The following CDH9 variants were observed in gnomAD, a reference collection of about 807,000 sequenced individuals.
The protein encoded by CDH9 is cadherin 9.
A neutral mutation model predicts 70.9 loss-of-function variants in CDH9; 28 were observed. That is an observed-to-expected ratio of 0.40 (90% CI 0.29 to 0.54). The LOEUF (loss-of-function observed/expected upper bound fraction) is 0.54. CDH9 is among the 20% of genes least tolerant of loss of function. The probability of loss-of-function intolerance (pLI) is 0.59; values close to 1 mark genes in which losing one functional copy is unlikely to be tolerated. For missense variants in CDH9, 874 were observed against 984.4 expected, an observed-to-expected ratio of 0.89 and a Z score of 1.50; for synonymous variants, 409 against 343.1, an observed-to-expected ratio of 1.19 and a Z score of -2.12.
chr5:26,935,835 C>T (rs551625262), intron 2 of CDH9, among the ~76,000 whole-genome samples: 3 of 152,226 alleles, frequency 2.0e-5, no homozygotes, highest in African/African-American at 7.2e-5. Flanking sequence ...TTTGCAATTG[C>T]AAAACTATGG....
At chr5:26,884,973 C>T (rs1740536530) in intron 11 of CDH9, among the ~76,000 whole-genome samples, 1 of 152,052 alleles carries the variant, frequency 6.6e-6, no homozygotes, top group Admixed American at 6.6e-5. Flanking sequence ...TTTTTTAAAA[C>T]AGAATTTTAA....
At chr5:26,897,208 CA>C (rs1740767823) in intron 7 of CDH9, among the ~76,000 whole-genome samples, 1 of 151,956 alleles carries the variant, frequency 6.6e-6, no homozygotes, top group African/African-American at 2.4e-5. Context: ...AGCCCAAGAA[CA>C]GACGGATTCA....
At chr5:26,972,111 A>G (rs963468251) in intron 2 of CDH9, among the ~76,000 whole-genome samples, 2 of 152,210 alleles carry the variant, frequency 1.3e-5, no homozygotes, top group African/African-American at 2.4e-5. Context: ...ATCTTTGAGG[A>G]GGATAACATT....
intron 6 of CDH9, 38 bp from the exon 7 acceptor site, chr5:26,902,767 A>G (rs762514424): frequency 8.0e-6 from 10 of 1,249,706 alleles, no homozygotes; most frequent in Non-Finnish European, 1.2e-5. Context: ...AGCATAATTC[A>G]GAAGATATGA....
intron 2 of CDH9, among the ~76,000 whole-genome samples, chr5:26,955,572 A>ATCTCTC (rs10541203): frequency 1.0e-3 from 145 of 144,334 alleles, no homozygotes; most frequent in Non-Finnish European, 2.0e-3. Flanking sequence ...TTGTGGCAGT[A>ATCTCTC]TCTCTCTCTC....
intron 2 of CDH9, among the ~76,000 whole-genome samples, chr5:26,932,887 A>G (rs1423084004): frequency 6.6e-6 from 1 of 151,218 alleles, no homozygotes; most frequent in Non-Finnish European, 1.5e-5. Flanking sequence ...AGCTTTGTCT[A>G]TGATTCCATT....
intron 2 of CDH9, among the ~76,000 whole-genome samples, chr5:26,957,973 A>G (rs1741974014): frequency 6.6e-6 from 1 of 152,190 alleles, no homozygotes; most frequent in Non-Finnish European, 1.5e-5. Flanking sequence ...ATTTATTGGA[A>G]TATAAAAAAA....
chr5:26,936,107 G>T (rs1008597015), intron 2 of CDH9, among the ~76,000 whole-genome samples: 3 of 124,456 alleles, frequency 2.4e-5, no homozygotes, highest in African/African-American at 7.0e-5. Flanking sequence ...GGGGAAGAGT[G>T]GGGGGGTGAG....
intron 2 of CDH9, among the ~76,000 whole-genome samples, chr5:26,964,194 T>TACACAC (rs144078842): frequency 6.9e-4 from 103 of 150,034 alleles, no homozygotes; most frequent in African/African-American, 2.5e-3. Context: ...TGCTGATTAA[T>TACACAC]ACACACACAC....
chr5:26,967,180 C>T (rs1032633437), intron 2 of CDH9, among the ~76,000 whole-genome samples: 2 of 152,028 alleles, frequency 1.3e-5, no homozygotes, highest in Non-Finnish European at 2.9e-5. Flanking sequence ...TCTTAAACTG[C>T]TAGGCTCAGG....
chr5:26,971,701 G>A (rs983908043), intron 2 of CDH9, among the ~76,000 whole-genome samples: 2 of 152,068 alleles, frequency 1.3e-5, no homozygotes, highest in African/African-American at 4.8e-5. Context: ...CATGCTAAGG[G>A]GATAGGAAAC....
chr5:26,905,620 A>T (rs559943639), intron 5 of CDH9, among the ~76,000 whole-genome samples: 37 of 152,270 alleles, frequency 2.4e-4, no homozygotes, highest in African/African-American at 8.9e-4. Context: ...CAAGAAGTGG[A>T]TCCAAAGGAA....
In CDH9 at chr5:26,886,016, G is replaced by C. The variant is rs1448132937; in HGVS notation, c.1580C>G (p.Pro527Arg). Residue 527 changes from proline to arginine, a missense_variant, in exon 10 of 12, where the codon CCA becomes CGA. Physicochemically the swap from Pro to Arg is moderately radical, Grantham distance 103. Coordinates refer to ENST00000231021, the MANE Select transcript of CDH9 (RefSeq NM_016279.4). The stretch of plus-strand genomic sequence containing the variant: ...CGGATTGAGAGTAAATTCTGGCACT[G>C]GTTCAAAAAAGAATTTGTGACCTCG... ...PPRGHKFFFE[P>R]VPEFTLNPNF... 6.2e-7 allele frequency: 1 copy of C among 1,612,524 alleles called. No individual in the cohort carries two copies. The highest frequency in any genetic ancestry group is 1.1e-5 in the South Asian group (1 of 90,602).
At chr5:27,013,366 G>C (rs1742990938) in intron 1 of CDH9, among the ~76,000 whole-genome samples, 1 of 151,846 alleles carries the variant, frequency 6.6e-6, no homozygotes, top group African/African-American at 2.4e-5. Context: ...ATGAATTGCT[G>C]TCTGCTAAAA....
intron 11 of CDH9, among the ~76,000 whole-genome samples, chr5:26,884,945 C>A (rs1740535827): frequency 6.6e-6 from 1 of 152,064 alleles, no homozygotes; most frequent in South Asian, 2.1e-4. Context: ...TAGGTAGGAC[C>A]ACAGCGACAT....
rs1429804762 is a variant in CDH9, at chr5:26,886,048, G to T, written c.1548C>A (p.Asp516Glu). ...IQTVSVMDKD[D>E]PPRGHKFFFE... ...AAAAGAATTTGTGACCTCGGGGAGGGTCATCCTTATCCATGACACTGACAG... is the reference window on the plus strand; with the variant it reads ...AAAAGAATTTGTGACCTCGGGGAGGTTCATCCTTATCCATGACACTGACAG... The change falls in exon 10 of 12, where the codon GAC becomes GAA. Residue 516 changes from aspartate (D) to glutamate (E), a missense_variant. Transcript: ENST00000231021. 2 of 1,609,494 alleles carry T rather than the reference G, an allele frequency of 1.2e-6. No individual in the cohort carries two copies. The highest frequency in any genetic ancestry group is 2.2e-5 in the East Asian group (1 of 44,838).
chr5:26,976,583 G>A (rs1339374126), intron 2 of CDH9, among the ~76,000 whole-genome samples: 2 of 152,098 alleles, frequency 1.3e-5, no homozygotes, highest in East Asian at 1.9e-4. Flanking sequence ...GACCACAGGC[G>A]CAGGACACCA....
At chr5:26,908,194 C>T (rs192310067) in intron 3 of CDH9, among the ~76,000 whole-genome samples, 91 of 152,220 alleles carry the variant, frequency 6.0e-4, no homozygotes, top group Non-Finnish European at 9.1e-4. Context: ...GGAAACATTG[C>T]ATATTTACTT....
chr5:26,883,081 AT>A (rs1283785848), intron 11 of CDH9, among the ~76,000 whole-genome samples: 16 of 130,156 alleles, frequency 1.2e-4, no homozygotes, highest in African/African-American at 4.3e-4. Flanking sequence ...ATATATATAT[AT>A]ATATATATAT....
Sources: gnomAD v4.1 joint callset for allele counts (sites outside exome capture counted in the v4.1 genomes callset) on GRCh38, gnomAD v4.1.1 for gene constraint, MANE v1.5 for transcripts, NCBI Gene and HGNC (gene_info 2026-07-23, HGNC 2026-07-21) for gene names.